SSBP2: variants seen among roughly 807,000 people sequenced by gnomAD.
SSBP2 encodes the protein single-stranded DNA-binding protein 2.
A neutral mutation model predicts 61.8 loss-of-function variants in SSBP2; 17 were observed. The observed-to-expected ratio is 0.28, with a 90% CI of 0.19 to 0.41. The LOEUF is 0.41. Among genes scored for constraint, SSBP2 ranks in the 10% least tolerant of loss-of-function variants. The pLI, the probability that SSBP2 is intolerant of heterozygous loss-of-function variation, is 1.00. For missense variants in SSBP2, 310 were observed against 458.7 expected (o/e 0.68, Z 2.96); for synonymous variants, 139 against 141.3 (o/e 0.98, Z 0.12).
chr5:81,714,720 T>A (rs1755055734), intron 1 of SSBP2, among the ~76,000 whole-genome samples: 1 of 152,248 alleles, frequency 6.6e-6, no homozygotes, highest in Non-Finnish European at 1.5e-5. Context: ...TCTGTTCATA[T>A]CCTTCAACCA....
rs58598130 is a variant in SSBP2, at chr5:81,565,610, T to C, written c.282+49863A>G. ...TGACACGGTATACATACTTCCATTA[T>C]AGAATTATCAAGTCATACTATACTG... On this transcript the variant is annotated intron_variant, in intron 4 of 16. Transcript: ENST00000320672. Among the ~76,000 whole-genome samples the C allele has an allele frequency of 5.2e-3, 786 of 152,284 alleles. 4 individuals carry two copies. Among genetic ancestry groups the C allele is most frequent in the African/African-American group, 0.018 (739 of 41,580 alleles).
intron 1 of SSBP2, among the ~76,000 whole-genome samples, chr5:81,686,690 A>G (rs1459392705): frequency 6.6e-6 from 1 of 151,822 alleles, no homozygotes; most frequent in Non-Finnish European, 1.5e-5. Context: ...CCCCGTCTCT[A>G]CTAAAAATAC....
chr5:81,543,642 C>T (rs1333845072), intron 4 of SSBP2, among the ~76,000 whole-genome samples: 1 of 151,908 alleles, frequency 6.6e-6, no homozygotes, highest in East Asian at 1.9e-4. Flanking sequence ...ATATATGTAT[C>T]CTCTGAATCT....
chr5:81,738,722 GT>G (rs1435141756), intron 1 of SSBP2, among the ~76,000 whole-genome samples: 1 of 152,162 alleles, frequency 6.6e-6, no homozygotes, highest in Non-Finnish European at 1.5e-5. Flanking sequence ...CTGCATTGGT[GT>G]AGAAAAATGA....
At chr5:81,458,438 A>G (rs1764315687) in intron 10 of SSBP2, among the ~76,000 whole-genome samples, 1 of 152,266 alleles carries the variant, frequency 6.6e-6, no homozygotes, top group African/African-American at 2.4e-5. Context: ...AGAGGAAATA[A>G]TAAAGCAAAT....
intron 4 of SSBP2, among the ~76,000 whole-genome samples, chr5:81,601,565 A>G (rs1304699977): frequency 2.6e-5 from 4 of 152,210 alleles, no homozygotes; most frequent in Admixed American, 6.5e-5. Context: ...GAAAAGGTAC[A>G]TGAGATCTCT....
Position 81,672,684 on chromosome 5 carries a change from GC to G in SSBP2, c.63-22346del, listed in dbSNP as rs539074076. Among the ~76,000 whole-genome samples, 80 of 150,988 alleles carry G rather than the reference GC, an allele frequency of 5.3e-4. No individual in the cohort carries two copies. The South Asian group carries it at 0.016, about 30-fold the overall frequency. On this transcript the variant is annotated intron_variant, in intron 1 of 16. Transcript: ENST00000320672. ...CCTCCCAGGTACAAGTGATTCTCCT[GC>G]CTCGGCATCCTGTGTAGCTGGGATT...
At chr5:81,663,955 ATTCT>A (rs1750904460) in intron 1 of SSBP2, among the ~76,000 whole-genome samples, 1 of 152,214 alleles carries the variant, frequency 6.6e-6, no homozygotes, top group Admixed American at 6.5e-5. Context: ...TAATTTTAAA[ATTCT>A]TTGAGTTAAT....
intron 5 of SSBP2, among the ~76,000 whole-genome samples, chr5:81,508,468 A>T (rs1473646971): frequency 6.6e-6 from 1 of 152,166 alleles, no homozygotes; most frequent in Non-Finnish European, 1.5e-5. Flanking sequence ...TACTGATTTT[A>T]CTTAATTGGT....
intron 1 of SSBP2, among the ~76,000 whole-genome samples, chr5:81,655,404 G>C (rs1750126143): frequency 6.6e-6 from 1 of 152,068 alleles, no homozygotes; most frequent in African/African-American, 2.4e-5. Flanking sequence ...GCTGCAAAAA[G>C]TAGAACCAGT....
At chr5:81,682,724 T>C (rs1188292450) in intron 1 of SSBP2, among the ~76,000 whole-genome samples, 2 of 152,210 alleles carry the variant, frequency 1.3e-5, no homozygotes, top group East Asian at 1.9e-4. Flanking sequence ...AAGATCAAAC[T>C]GTCTTTGTTC....
intron 4 of SSBP2, among the ~76,000 whole-genome samples, chr5:81,520,887 T>A (rs1033842270): frequency 1.3e-5 from 2 of 152,128 alleles, no homozygotes; most frequent in Non-Finnish European, 2.9e-5. Flanking sequence ...TTATCTTTAC[T>A]GTGGATTCTA....
intron 3 of SSBP2, among the ~76,000 whole-genome samples, chr5:81,633,505 C>G (rs561343701): frequency 1.3e-5 from 2 of 152,132 alleles, no homozygotes; most frequent in Admixed American, 1.3e-4. Context: ...TTTCCCTCCC[C>G]ACTCATGGGT....
At chr5:81,731,673 T>C (rs1266848813) in intron 1 of SSBP2, among the ~76,000 whole-genome samples, 1 of 152,144 alleles carries the variant, frequency 6.6e-6, no homozygotes, top group African/African-American at 2.4e-5. Context: ...AGATATTCTT[T>C]CCTTTCCCTT....
intron 1 of SSBP2, among the ~76,000 whole-genome samples, chr5:81,695,513 C>T (rs919443741): frequency 7.7e-6 from 1 of 129,156 alleles, no homozygotes; most frequent in Non-Finnish European, 1.6e-5. Context: ...CCCCACCCCA[C>T]GACAGGCCCC....
intron 4 of SSBP2, among the ~76,000 whole-genome samples, chr5:81,565,823 T>C (rs910915064): frequency 6.6e-6 from 1 of 152,230 alleles, no homozygotes; most frequent in Non-Finnish European, 1.5e-5. Context: ...TTTGGTCTAC[T>C]GAGCCTTAAA....
intron 4 of SSBP2, among the ~76,000 whole-genome samples, chr5:81,608,032 T>C (rs151316247): frequency 3.3e-5 from 5 of 152,226 alleles, no homozygotes; most frequent in African/African-American, 1.2e-4. Flanking sequence ...TTCCTTCCTA[T>C]TACTCCTTAA....
At chr5:81,423,851 T>C (rs1330497505) in intron 16 of SSBP2, among the ~76,000 whole-genome samples, 3 of 152,234 alleles carry the variant, frequency 2.0e-5, no homozygotes, top group African/African-American at 4.8e-5. Flanking sequence ...TAAGAGTATG[T>C]ATATATGTCA....
At chr5:81,612,716 A>T (rs1052631096) in intron 4 of SSBP2, among the ~76,000 whole-genome samples, 3 of 152,092 alleles carry the variant, frequency 2.0e-5, no homozygotes, top group Non-Finnish European at 4.4e-5. Flanking sequence ...CAGCTACTGA[A>T]GAAAGTATTT....
Sources: gnomAD v4.1 joint callset for allele counts (sites outside exome capture counted in the v4.1 genomes callset) on GRCh38, gnomAD v4.1.1 for gene constraint, MANE v1.5 for transcripts, NCBI Gene and HGNC (gene_info 2026-07-23, HGNC 2026-07-21) for gene names.